The following RGS5 variants were observed in gnomAD, a reference collection of about 807,000 sequenced individuals.
RGS5 encodes the protein regulator of G protein signaling 5, also known as regulator of G-protein signalling 5.
In RGS5, 20 loss-of-function variants were observed where a neutral mutation model predicts 18.9. The ratio of observed to expected loss-of-function variants is 1.06; its 90% CI spans 0.74 to 1.54. RGS5 has a LOEUF of 1.54. RGS5 is among the 40% of genes most tolerant of loss of function. RGS5 has a pLI of 0.00. For missense variants in RGS5, 201 were observed against 211.8 expected (o/e 0.95, Z 0.32); for synonymous variants, 57 against 76.2 (o/e 0.75, Z 1.31).
At chr1:163,275,887 G>C (rs903591948) in intron 2 of RGS5, among the ~76,000 whole-genome samples, 6 of 152,102 alleles carry the variant, frequency 3.9e-5, no homozygotes, top group African/African-American at 1.4e-4. Flanking sequence ...GGTTTTGAGG[G>C]ATAGAATTAG....
Position 163,202,826 on chromosome 1 carries a change from C to T in RGS5, c.10G>A (p.Gly4Arg). The T allele has an allele frequency of 6.2e-7, 1 of 1,613,548 alleles. No homozygotes were observed. Among genetic ancestry groups the T allele is most frequent in the Non-Finnish European group, 8.5e-7 (1 of 1,179,668 alleles). The change falls in exon 1 of 5, where the codon GGA becomes AGA. Residue 4 changes from glycine (G) to arginine (R), a missense_variant. Coordinates refer to ENST00000313961, the MANE Select transcript of RGS5 (RefSeq NM_003617.4). ...CATGAGTGGGGCAAAGCTGCAAGTC[C>T]TTTGCACATTTTGGCAGGTGGCTTA... MCK[G>R]LAALPHSCLE...
intron 2 of RGS5, among the ~76,000 whole-genome samples, chr1:163,282,688 G>A (rs575701543): frequency 6.6e-6 from 1 of 152,078 alleles, no homozygotes; most frequent in East Asian, 1.9e-4. Flanking sequence ...CTAGCCTGGG[G>A]GAGAGAATGT....
rs1204287692 is a variant in RGS5, at chr1:163,145,909, G to T, written c.*1433C>A. The stretch of plus-strand genomic sequence containing the variant: ...ATGTAATCTTCTACTTAACATTTCA[G>T]AATTTTATTAATCCTTTAAAAATCA... On this transcript the variant is annotated 3_prime_UTR_variant, in exon 5 of 5. Transcript: ENST00000313961. The T allele has an allele frequency of 2.6e-5, 4 of 152,110 alleles. No individual in the cohort carries two copies. The highest frequency in any genetic ancestry group is 2.0e-4 in the Admixed American group (3 of 15,260). The allele number at this position is 152,110 out of a possible 1,614,324, so 9.4% of individuals were successfully genotyped here.
chr1:163,302,881 T>C (rs1649588003), intron 2 of RGS5, among the ~76,000 whole-genome samples: 2 of 152,200 alleles, frequency 1.3e-5, no homozygotes, highest in Admixed American at 6.5e-5. Context: ...TTCTCCCTCC[T>C]GCAAACCTTT....
intron 2 of RGS5, among the ~76,000 whole-genome samples, chr1:163,300,938 G>A (rs1400636773): frequency 6.6e-6 from 1 of 152,194 alleles, no homozygotes. Context: ...GTTGTGTTGT[G>A]CATAGGAATA....
In RGS5 at chr1:163,144,480, T is replaced by A. The variant is rs1372855040; in HGVS notation, c.*2862A>T. 1 of 152,530 alleles carries A rather than the reference T, an allele frequency of 6.6e-6. No homozygotes were observed. The highest frequency in any genetic ancestry group is 1.5e-5 in the Non-Finnish European group (1 of 68,028). 9.4% of individuals were successfully genotyped at this position (152,530 alleles called of 1,614,324 possible). A position where few individuals can be genotyped will look rare whatever the true frequency, so the allele number is the denominator to read the frequency against. ...CAAGAGTGAGAACCATATTCTCCTA[T>A]TTCCATTGACCACAATTTGGTTCCA... On this transcript the variant is annotated 3_prime_UTR_variant, in exon 5 of 5. Transcript: ENST00000313961.
chr1:163,309,208 C>A (rs1006490275), intron 1 of RGS5, among the ~76,000 whole-genome samples: 1 of 152,054 alleles, frequency 6.6e-6, no homozygotes, highest in Admixed American at 6.6e-5. Flanking sequence ...GAAAAAAAAG[C>A]GGGGGTGGTG....
At chr1:163,221,289 G>C, upstream of RGS5, among the ~76,000 whole-genome samples, 1 of 152,102 alleles carries the variant, frequency 6.6e-6, no homozygotes, top group South Asian at 2.1e-4. Context: ...CTTGATATCA[G>C]GAGTTCGCGA....
chr1:163,242,963 T>C (rs1256928231), intron 2 of RGS5, among the ~76,000 whole-genome samples: 1 of 152,216 alleles, frequency 6.6e-6, no homozygotes, highest in Non-Finnish European at 1.5e-5. Flanking sequence ...ATAGTTTTAC[T>C]ATGTGTTTGC....
intron 1 of RGS5, among the ~76,000 whole-genome samples, chr1:163,316,507 G>A (rs907636085): frequency 1.3e-5 from 2 of 151,748 alleles, no homozygotes; most frequent in Admixed American, 6.6e-5. Context: ...ACGTAATGTG[G>A]TGCTTGAGCA....
chr1:163,179,352 TTAAG>T (rs1190387316), intron 1 of RGS5, among the ~76,000 whole-genome samples: 5 of 152,194 alleles, frequency 3.3e-5, no homozygotes, highest in African/African-American at 1.2e-4. Flanking sequence ...CCTCTTGTGA[TTAAG>T]TGAGTTACTA....
At chr1:163,245,735 G>C (rs1165316104) in intron 2 of RGS5, among the ~76,000 whole-genome samples, 1 of 152,070 alleles carries the variant, frequency 6.6e-6, no homozygotes, top group Non-Finnish European at 1.5e-5. Flanking sequence ...AGGTTTATGA[G>C]GATTACCTAT....
intron 2 of RGS5, among the ~76,000 whole-genome samples, chr1:163,228,298 G>A (rs1168923162): frequency 6.6e-6 from 1 of 152,218 alleles, no homozygotes; most frequent in Non-Finnish European, 1.5e-5. Context: ...TCTAGGTGGA[G>A]GTTCCCAAAC....
At chr1:163,297,107 T>G (rs182993936) in intron 2 of RGS5, among the ~76,000 whole-genome samples, 49 of 152,146 alleles carry the variant, frequency 3.2e-4, no homozygotes, top group African/African-American at 1.1e-3. Context: ...TTAAAATAAT[T>G]TACCAAGACA....
chr1:163,271,608 G>A (rs575839130), intron 2 of RGS5, among the ~76,000 whole-genome samples: 21 of 152,254 alleles, frequency 1.4e-4, no homozygotes, highest in Admixed American at 1.1e-3. Flanking sequence ...TGACATCAAT[G>A]TTGTAGCATG....
chr1:163,176,606 A>T (rs1375287534), intron 1 of RGS5, among the ~76,000 whole-genome samples: 1 of 142,284 alleles, frequency 7.0e-6, no homozygotes, highest in African/African-American at 2.6e-5. Flanking sequence ...GGGCAACAAG[A>T]GTGAAACTCA....
chr1:163,303,947 G>A (rs188820599), intron 2 of RGS5, among the ~76,000 whole-genome samples: 4 of 152,052 alleles, frequency 2.6e-5, no homozygotes, highest in African/African-American at 7.2e-5. Context: ...CATATCCAAC[G>A]CCCTTGACAT....
chr1:163,159,162 A>G (rs1657701724), intron 3 of RGS5, among the ~76,000 whole-genome samples: 1 of 152,174 alleles, frequency 6.6e-6, no homozygotes, highest in African/African-American at 2.4e-5. Context: ...CAGATTTCAT[A>G]GTGTTCAAAC....
At chr1:163,154,418 A>T (rs1348273866) in intron 3 of RGS5, among the ~76,000 whole-genome samples, 4 of 152,092 alleles carry the variant, frequency 2.6e-5, no homozygotes, top group Non-Finnish European at 5.9e-5. Context: ...GGTCACCATC[A>T]ATTTCAGGAT....
Sources: gnomAD v4.1 joint callset for allele counts (sites outside exome capture counted in the v4.1 genomes callset) on GRCh38, gnomAD v4.1.1 for gene constraint, MANE v1.5 for transcripts, NCBI Gene and HGNC (gene_info 2026-07-23, HGNC 2026-07-21) for gene names.